DNM3: variants seen among roughly 807,000 people sequenced by gnomAD.
DNM3 encodes the protein dynamin-3.
Under a neutral mutation model 101.6 loss-of-function variants are expected in DNM3, and 47 were observed. The ratio of observed to expected loss-of-function variants is 0.46; its 90% CI spans 0.37 to 0.59. The LOEUF is 0.59. DNM3 is among the 20% of genes least tolerant of loss of function. The pLI is 0.00. For synonymous variants in DNM3, 385 were observed against 387.9 expected, an observed-to-expected ratio of 0.99 and a Z score of 0.09; for missense variants, 849 against 1,085.7, an observed-to-expected ratio of 0.78 and a Z score of 3.06.
At chr1:171,875,440 T>C (rs1409116775) in intron 1 of DNM3, among the ~76,000 whole-genome samples, 1 of 152,260 alleles carries the variant, frequency 6.6e-6, no homozygotes. Context: ...TGTACCTTTT[T>C]TTCTTTGTCT....
chr1:172,390,610 C>G (rs1016919583), intron 20 of DNM3, among the ~76,000 whole-genome samples: 12 of 152,252 alleles, frequency 7.9e-5, no homozygotes, highest in Non-Finnish European at 1.8e-4. Context: ...AAATTCCTCT[C>G]CACGTGAGAA....
At chr1:172,163,913 A>G (rs1400147237) in intron 14 of DNM3, among the ~76,000 whole-genome samples, 3 of 151,626 alleles carry the variant, frequency 2.0e-5, no homozygotes, top group Non-Finnish European at 4.4e-5. Flanking sequence ...ATGTGTATAT[A>G]TGTATATATG....
At chr1:172,011,195 C>T (rs771851476) in intron 4 of DNM3, among the ~76,000 whole-genome samples, 1 of 151,876 alleles carries the variant, frequency 6.6e-6, no homozygotes. Context: ...TCAATAAGAT[C>T]TTTCCACTGT....
intron 2 of DNM3, among the ~76,000 whole-genome samples, chr1:171,950,780 G>A (rs1408155790): frequency 6.6e-6 from 1 of 152,080 alleles, no homozygotes; most frequent in African/African-American, 2.4e-5. Flanking sequence ...TTTCTCAGGG[G>A]TACACACGTG....
At chr1:171,998,385 C>T (rs2046144205) in intron 4 of DNM3, among the ~76,000 whole-genome samples, 1 of 152,146 alleles carries the variant, frequency 6.6e-6, no homozygotes, top group African/African-American at 2.4e-5. Flanking sequence ...TTCTTGATTA[C>T]ATCCACAAAG....
At chr1:172,126,319 T>C (rs2056615001) in intron 13 of DNM3, among the ~76,000 whole-genome samples, 1 of 152,204 alleles carries the variant, frequency 6.6e-6, no homozygotes, top group Non-Finnish European at 1.5e-5. Context: ...GAGATGTGGG[T>C]CATGTTTCTT....
At chr1:172,207,589 A>C (rs2060367341) in intron 14 of DNM3, among the ~76,000 whole-genome samples, 2 of 152,072 alleles carry the variant, frequency 1.3e-5, no homozygotes, top group Non-Finnish European at 2.9e-5. Flanking sequence ...AAAGGCATTG[A>C]ATTTGGTTCT....
At chr1:171,856,580 A>C (rs1188137133) in intron 1 of DNM3, among the ~76,000 whole-genome samples, 2 of 151,960 alleles carry the variant, frequency 1.3e-5, no homozygotes, top group Non-Finnish European at 2.9e-5. Flanking sequence ...CATTGTAGAG[A>C]TCTTCCACCT....
intron 17 of DNM3, among the ~76,000 whole-genome samples, chr1:172,341,842 C>T (rs903350961): frequency 2.0e-5 from 3 of 152,068 alleles, no homozygotes; most frequent in East Asian, 1.9e-4. Flanking sequence ...CTGACGAAGA[C>T]GCCAAAAGCA....
At chr1:172,376,874 A>T (rs1350867384) in intron 17 of DNM3, among the ~76,000 whole-genome samples, 1 of 152,046 alleles carries the variant, frequency 6.6e-6, no homozygotes, top group Non-Finnish European at 1.5e-5. Context: ...TTCTAATTGC[A>T]TCTGGTTTCA....
intron 17 of DNM3, among the ~76,000 whole-genome samples, chr1:172,325,061 C>T (rs181928312): frequency 2.0e-5 from 3 of 152,322 alleles, no homozygotes; most frequent in Admixed American, 2.0e-4. Flanking sequence ...AAGAAACCCA[C>T]TTCTCCTTAC....
chr1:172,126,991 G>A lies in DNM3; in HGVS notation c.1546-4184G>A, dbSNP rs544516057. Among the ~76,000 whole-genome samples the A allele has an allele frequency of 3.3e-5, 5 of 152,080 alleles. No individual in the cohort carries two copies. The South Asian group carries it at 8.3e-4, about 25-fold the overall frequency. On this transcript the variant is annotated intron_variant, in intron 13 of 20. Coordinates refer to ENST00000627582, the MANE Select transcript of DNM3 (RefSeq NM_015569.5). ...CTGCTGGAAAAGAGAACACAATTAC[G>A]CTGATTGTGTCCCTGAAAGTTTGTT...
chr1:172,195,368 A>G (rs2059909614), intron 14 of DNM3, among the ~76,000 whole-genome samples: 1 of 151,910 alleles, frequency 6.6e-6, no homozygotes, highest in Non-Finnish European at 1.5e-5. Flanking sequence ...GGCACCTTCA[A>G]ACAAAGACAG....
At chr1:172,044,122 G>A (rs957259661) in intron 8 of DNM3, among the ~76,000 whole-genome samples, 1 of 152,166 alleles carries the variant, frequency 6.6e-6, no homozygotes, top group African/African-American at 2.4e-5. Context: ...CTAGATTTAT[G>A]TCCAGAAGGC....
At chr1:172,051,776 A>G (rs752402451) in intron 10 of DNM3, among the ~76,000 whole-genome samples, 5 of 152,180 alleles carry the variant, frequency 3.3e-5, no homozygotes, top group Admixed American at 6.5e-5. Context: ...CACAAGGTGT[A>G]TGGGTGAGCA....
chr1:171,909,747 C>T (rs1050194914), intron 1 of DNM3, among the ~76,000 whole-genome samples: 2 of 152,140 alleles, frequency 1.3e-5, no homozygotes, highest in African/African-American at 2.4e-5. Flanking sequence ...AGACTGTTAC[C>T]GTTATTGGTT....
chr1:172,193,151 G>A (rs2059800759), intron 14 of DNM3, among the ~76,000 whole-genome samples: 1 of 151,962 alleles, frequency 6.6e-6, no homozygotes, highest in Non-Finnish European at 1.5e-5. Context: ...TTTTTCGTGT[G>A]TTTTTTGGCT....
At position 172,212,078 on chromosome 1, in the gene DNM3, G is replaced by A. The variant is rs139457260; in HGVS notation, c.1660-41495G>A. 9.5e-3 allele frequency among the ~76,000 whole-genome samples: 1,440 copies of A among 152,190 alleles called. 14 individuals are homozygous for A. Among genetic ancestry groups the A allele is most frequent in the Middle Eastern group, 0.044 (13 of 294 alleles). ...TAATTTGGTTTTTATTCACCTAATA[G>A]AAATATTGTAGCAGAGCTGTCACCA... is the stretch of plus-strand genomic sequence containing the variant. On this transcript the variant is annotated intron_variant, in intron 14 of 20. Coordinates refer to ENST00000627582, the MANE Select transcript of DNM3 (RefSeq NM_015569.5).
At chr1:172,351,071 C>T (rs2067183317) in intron 17 of DNM3, among the ~76,000 whole-genome samples, 1 of 152,094 alleles carries the variant, frequency 6.6e-6, no homozygotes, top group South Asian at 2.1e-4. Flanking sequence ...CTGATCAGAC[C>T]TGTGTTGTTT....
Sources: allele counts gnomAD v4.1 joint callset (sites outside exome capture counted in the v4.1 genomes callset), GRCh38; gene constraint gnomAD v4.1.1; transcripts MANE v1.5; gene names NCBI Gene and HGNC (gene_info 2026-07-23, HGNC 2026-07-21).